The following VWDE variants were observed in gnomAD, a reference collection of about 807,000 sequenced individuals.
The protein encoded by VWDE is von Willebrand factor D and EGF domains, also known as von Willebrand factor D and EGF domain-containing protein.
Under a neutral mutation model 178.4 loss-of-function variants are expected in VWDE, and 207 were observed. The ratio of observed to expected loss-of-function variants is 1.16; its 90% CI spans 1.04 to 1.30. The LOEUF (loss-of-function observed/expected upper bound fraction) is 1.30. VWDE is among the 50% of genes most tolerant of loss of function. The pLI is 0.00. For missense variants in VWDE, 2,287 were observed against 1,901.3 expected (o/e 1.20, Z -3.77); for synonymous variants, 738 against 651.4 (o/e 1.13, Z -2.02).
chr7:12,331,491 A>C (rs1157945179), intron 28 of VWDE, among the ~76,000 whole-genome samples: 1 of 152,126 alleles, frequency 6.6e-6, no homozygotes, highest in East Asian at 1.9e-4. Flanking sequence ...GATATCCCTC[A>C]GGAAAAAACC....
At chr7:12,331,884 A>T (rs900915814) in intron 28 of VWDE, among the ~76,000 whole-genome samples, 2 of 151,858 alleles carry the variant, frequency 1.3e-5, no homozygotes, top group Non-Finnish European at 1.5e-5. Flanking sequence ...TCCTTTACTT[A>T]TTTTCCCTTT....
chr7:12,383,900 G>T (rs1327446271), intron 3 of VWDE, among the ~76,000 whole-genome samples: 3 of 152,154 alleles, frequency 2.0e-5, no homozygotes, highest in Admixed American at 2.0e-4. Flanking sequence ...AACAGGTGCT[G>T]GTGAGAATTC....
intron 19 of VWDE, among the ~76,000 whole-genome samples, chr7:12,351,221 TGTGAAATA>T (rs1309247287): frequency 1.3e-5 from 2 of 152,162 alleles, no homozygotes; most frequent in African/African-American, 2.4e-5. Flanking sequence ...GGAAAGGCCT[TGTGAAATA>T]GTGAACTTCT....
intron 6 of VWDE, among the ~76,000 whole-genome samples, chr7:12,378,327 T>A (rs781374664): frequency 6.6e-6 from 1 of 152,224 alleles, no homozygotes; most frequent in East Asian, 1.9e-4. Flanking sequence ...ACCATCTCAA[T>A]TAGAAATTTA....
At chr7:12,399,924 A>AT (rs1467201207) in intron 1 of VWDE, among the ~76,000 whole-genome samples, 2 of 152,302 alleles carry the variant, frequency 1.3e-5, no homozygotes, top group South Asian at 4.1e-4. Context: ...TAACAATGAA[A>AT]TTTAAAAAAC....
At chr7:12,397,123 G>C (rs996470578) in intron 1 of VWDE, among the ~76,000 whole-genome samples, 1 of 151,472 alleles carries the variant, frequency 6.6e-6, no homozygotes, top group East Asian at 1.9e-4. Context: ...AGCAATCTTA[G>C]GCAAAAAGAA....
At chr7:12,378,918 C>T (rs994061588) in intron 6 of VWDE, among the ~76,000 whole-genome samples, 1 of 152,172 alleles carries the variant, frequency 6.6e-6, no homozygotes, top group Non-Finnish European at 1.5e-5. Flanking sequence ...GTTCACCGTG[C>T]TTGCCTGCCT....
intron 1 of VWDE, among the ~76,000 whole-genome samples, chr7:12,401,939 A>G (rs1031957504): frequency 6.6e-6 from 1 of 152,242 alleles, no homozygotes; most frequent in Non-Finnish European, 1.5e-5. Flanking sequence ...GTATATCCAC[A>G]CAATGGAACA....
rs1176535800 is a variant in VWDE, at chr7:12,367,453, G to A, written c.2802C>T (p.Phe934=). 1 of 1,543,486 alleles carries A rather than the reference G, an allele frequency of 6.5e-7. No homozygotes were observed. The highest frequency in any genetic ancestry group is 1.2e-5 in the South Asian group (1 of 82,818). ...PEITELGNAG[F]CDVQKYNCMM... is the part of the protein sequence containing the mutation. ...TACAATTATATTTTTGAACATCACAGAATCCAGCATTCCCAAGCTCTGTAA... is the reference window on the plus strand; with the variant it reads ...TACAATTATATTTTTGAACATCACAAAATCCAGCATTCCCAAGCTCTGTAA... Residue 934 remains phenylalanine, a synonymous_variant, in exon 13 of 29, where the codon TTC becomes TTT. Transcript: ENST00000275358.
At chr7:12,379,758 C>T (rs973661742) in intron 5 of VWDE, among the ~76,000 whole-genome samples, 192 bp from the exon 6 acceptor site, 1 of 151,742 alleles carries the variant, frequency 6.6e-6, no homozygotes, top group Non-Finnish European at 1.5e-5. Context: ...GTATTCAAAC[C>T]TCAACATAAA....
chr7:12,340,535 C>A, intron 23 of VWDE, 118 bp from the exon 24 acceptor site: 2 of 660,476 alleles, frequency 3.0e-6, no homozygotes, highest in South Asian at 2.3e-5. Flanking sequence ...CAAGTAAAGC[C>A]CATAATGTAT....
At chr7:12,371,273 G>C (rs1357150971) in intron 10 of VWDE, among the ~76,000 whole-genome samples, 1 of 152,176 alleles carries the variant, frequency 6.6e-6, no homozygotes, top group Non-Finnish European at 1.5e-5. Flanking sequence ...TTTCAGAGGA[G>C]TACATGTTCC....
Position 12,379,556 on chromosome 7 carries a change from C to T in VWDE, c.800G>A (p.Ser267Asn). 6.5e-7 allele frequency: 1 copy of T among 1,546,712 alleles called. No individual in the cohort carries two copies. The highest frequency in any genetic ancestry group is 8.7e-7 in the Non-Finnish European group (1 of 1,144,810). The change falls in exon 6 of 29, where the codon AGC becomes AAC. Residue 267 changes from serine to asparagine, a missense_variant. Coordinates refer to ENST00000275358, the MANE Select transcript of VWDE (RefSeq NM_001135924.3). Reference sequence around the variant, plus strand: ...ATTCTCCAAGAAAAAGACAGAAGCGCTGCAGAATATCTATGGATATAATTA... The same window carrying T: ...ATTCTCCAAGAAAAAGACAGAAGCGTTGCAGAATATCTATGGATATAATTA... ...NLRLGDRIFC[S>N]ASVFFLENPH...
At chr7:12,367,286 A>G (rs2128554771) in intron 13 of VWDE, 71 bp downstream of exon 13, 1 of 1,265,218 alleles carries the variant, frequency 7.9e-7, no homozygotes, top group Middle Eastern at 2.1e-4. Flanking sequence ...GATAGACCGA[A>G]TTAATCCAAG....
chr7:12,344,119 G>C, intron 21 of VWDE, 76 bp downstream of exon 21: 1 of 1,232,492 alleles, frequency 8.1e-7, no homozygotes, highest in Non-Finnish European at 1.2e-6. Context: ...AAACTGAATT[G>C]TCTTGTAAAA....
intron 18 of VWDE, 43 bp downstream of exon 18, chr7:12,356,068 A>G (rs1438520699): frequency 1.3e-6 from 2 of 1,493,494 alleles, no homozygotes; most frequent in Non-Finnish European, 1.8e-6. Flanking sequence ...ATGTGTTTCA[A>G]GGAGCTTTTC....
chr7:12,351,199 C>T (rs1304166781), intron 19 of VWDE, among the ~76,000 whole-genome samples: 2 of 152,102 alleles, frequency 1.3e-5, no homozygotes, highest in South Asian at 2.1e-4. Flanking sequence ...ATTAAGAAAG[C>T]ACTATGACAC....
chr7:12,346,750 C>T (rs769675646), intron 19 of VWDE, among the ~76,000 whole-genome samples: 2 of 151,950 alleles, frequency 1.3e-5, no homozygotes, highest in Non-Finnish European at 2.9e-5. Flanking sequence ...TGATTAGATA[C>T]GTTTTTCTTG....
At chr7:12,375,384 C>T (rs1783470372) in intron 7 of VWDE, among the ~76,000 whole-genome samples, 157 bp from the exon 8 acceptor site, 1 of 151,868 alleles carries the variant, frequency 6.6e-6, no homozygotes, top group Non-Finnish European at 1.5e-5. Context: ...CTAAATTAAG[C>T]CAAAGCTATT....
Sources: gnomAD v4.1 joint callset for allele counts (sites outside exome capture counted in the v4.1 genomes callset) on GRCh38, gnomAD v4.1.1 for gene constraint, MANE v1.5 for transcripts, NCBI Gene and HGNC (gene_info 2026-07-23, HGNC 2026-07-21) for gene names.